Variants in CELF2 observed in about 807,000 individuals in gnomAD.
CELF2 encodes CUG triplet repeat RNA-binding protein 2.
In CELF2, 8 loss-of-function variants were observed where a neutral mutation model predicts 62.6. The observed-to-expected ratio is 0.13, with a 90% CI of 0.07 to 0.23. The LOEUF is 0.23. Ranked by LOEUF, CELF2 falls within the 10% of genes least tolerant of loss-of-function variation. The probability of loss-of-function intolerance (pLI) is 1.00; values close to 1 mark genes in which losing one functional copy is unlikely to be tolerated. For synonymous variants in CELF2, 258 were observed against 250.0 expected, an observed-to-expected ratio of 1.03 and a Z score of -0.30; for missense variants, 333 against 671.0, an observed-to-expected ratio of 0.50 and a Z score of 5.56.
the CELF2 span, among the ~76,000 whole-genome samples, chr10:10,502,683 T>A: frequency 2.9e-3 from 448 of 152,130 alleles, 1 homozygote; most frequent in Non-Finnish European, 4.7e-3. Flanking sequence ...TCTTGCTAGA[T>A]GCTTGTCAGT....
rs375248006 is a variant in CELF2, at chr10:11,018,120, C to T, written c.31C>T (p.Pro11Ser). 63 of 1,517,136 alleles carry T rather than the reference C, an allele frequency of 4.2e-5. No homozygotes were observed. In the Middle Eastern group the frequency reaches 2.4e-3, roughly 59 times the overall value. 94.0% of individuals were successfully genotyped at this position (1,517,136 alleles called of 1,614,324 possible). MTSAFKLDFLPDMMVEGRLLV... is the reference protein window; with the variant it reads MTSAFKLDFLSDMMVEGRLLV... ...TTCTGCCTTCAAGCTGGATTTCCTC[C>T]CGGACATGATGGTCGAGGGCCGCCT... Residue 11 changes from proline (P) to serine (S), a missense_variant, in exon 1 of 13, where the codon CCG becomes TCG. By Grantham distance (74) the Pro-to-Ser change is moderately conservative (BLOSUM62 -1). This residue lies in a region of CELF2 where 45 missense variants were observed against 39.8 expected (regional missense o/e 1.13). Transcript: ENST00000633077.
chr10:11,158,968 A>G (rs765650138), intron 1 of CELF2, among the ~76,000 whole-genome samples: 6 of 152,230 alleles, frequency 3.9e-5, no homozygotes, highest in Admixed American at 6.5e-5. Flanking sequence ...GTATGTACAT[A>G]TAGGAAACCT....
At chr10:10,884,061 A>G (rs1240744512) in intron 1 of CELF2, among the ~76,000 whole-genome samples, 4 of 152,018 alleles carry the variant, frequency 2.6e-5, no homozygotes, top group African/African-American at 9.7e-5. Flanking sequence ...GTTTGGGAAT[A>G]TGATTTAGGA....
At chr10:10,504,740 G>C in the CELF2 span, among the ~76,000 whole-genome samples, 1 of 151,338 alleles carries the variant, frequency 6.6e-6, no homozygotes, top group Non-Finnish European at 1.5e-5. Context: ...TTTTTTCAGT[G>C]TATTTCTCTC....
Position 10,810,070 on chromosome 10 carries a change from C to T in CELF2, c.53+11253C>T, listed in dbSNP as rs542786479. On this transcript the variant is annotated intron_variant, in intron 1 of 13. Coordinates refer to the CELF2 transcript ENST00000636488. ...TCCCTCTAAGCCAATTAGGATAGAA[C>T]TCTTTTAAAGGATTTTGTAAATTAA... Among the ~76,000 whole-genome samples the T allele has an allele frequency of 5.9e-5, 9 of 152,272 alleles. No individual in the cohort carries two copies. In the East Asian group the frequency reaches 1.3e-3, roughly 23 times the overall value.
chr10:10,851,593 G>A (rs2059386718), intron 1 of CELF2, among the ~76,000 whole-genome samples: 1 of 152,146 alleles, frequency 6.6e-6, no homozygotes, highest in Non-Finnish European at 1.5e-5. Flanking sequence ...GGACCTCATT[G>A]AAACAAAACA....
the CELF2 span, among the ~76,000 whole-genome samples, chr10:10,752,557 G>C: frequency 6.7e-6 from 1 of 150,196 alleles, no homozygotes; most frequent in Non-Finnish European, 1.5e-5. Context: ...GAGCGTGGTG[G>C]TGCATGCCTG....
the CELF2 span, among the ~76,000 whole-genome samples, chr10:10,673,291 C>G: frequency 6.6e-6 from 1 of 152,106 alleles, no homozygotes; most frequent in African/African-American, 2.4e-5. Context: ...TCTTATTGCA[C>G]TAGCTAGTAT....
At chr10:10,853,915 T>A (rs1398019750) in intron 1 of CELF2, among the ~76,000 whole-genome samples, 1 of 152,156 alleles carries the variant, frequency 6.6e-6, no homozygotes, top group Admixed American at 6.5e-5. Flanking sequence ...AGACTTCGCA[T>A]GTACGAAAGT....
intron 2 of CELF2, among the ~76,000 whole-genome samples, chr10:10,999,528 G>C (rs572283075): frequency 1.3e-5 from 2 of 152,312 alleles, no homozygotes; most frequent in South Asian, 4.2e-4. Flanking sequence ...TTGAGCCCAG[G>C]AGTTCAAGGC....
chr10:10,589,076 A>G, the CELF2 span, among the ~76,000 whole-genome samples: 3 of 152,212 alleles, frequency 2.0e-5, no homozygotes, highest in Non-Finnish European at 4.4e-5. Flanking sequence ...GGTTTTATAC[A>G]TTTTAGGGAG....
chr10:11,329,309 C>G lies in CELF2; in HGVS notation c.*256C>G. Reference sequence around the variant, plus strand: ...TGCCACTGTATTCTCCTTTGTTTTGCGATTTGAATCTCCTTTTACCTTTTT... The same window carrying G: ...TGCCACTGTATTCTCCTTTGTTTTGGGATTTGAATCTCCTTTTACCTTTTT... On this transcript the variant is annotated 3_prime_UTR_variant, in exon 13 of 13. Coordinates refer to ENST00000633077, the MANE Select transcript of CELF2 (RefSeq NM_001326342.2). This position sits in a 1 kb window ranked among gnomAD's most constrained non-coding sequence, Gnocchi z 5.5. 1 of 285,994 alleles carries G rather than the reference C, an allele frequency of 3.5e-6. No homozygotes were observed. The highest frequency in any genetic ancestry group is 6.4e-6 in the Non-Finnish European group (1 of 155,560). The allele number at this position is 285,994 out of a possible 1,614,324, so 17.7% of individuals were successfully genotyped here. A position where few individuals can be genotyped will look rare whatever the true frequency, so the allele number is the denominator to read the frequency against.
rs1405471574 is a variant in CELF2 at position 10,934,739 on chromosome 10, C to G, written c.89+14740C>G. The G allele has an allele frequency of 6.6e-6, 1 of 152,058 alleles. No homozygotes were observed. The highest frequency in any genetic ancestry group is 2.4e-5 in the African/African-American group (1 of 41,400). 9.4% of individuals were successfully genotyped at this position (152,058 alleles called of 1,614,324 possible). On this transcript the variant is annotated intron_variant, in intron 2 of 13. Transcript: ENST00000636488. The surrounding 1 kb of genome is among the most constrained non-coding windows in gnomAD (Gnocchi z 4.4). ...AGAGGGTGAGGGTTGAGGGGCAGTT[C>G]TGGATGTAGAACTTGATGTTTGAGC... is the stretch of plus-strand genomic sequence containing the variant.
At chr10:11,154,293 C>T (rs2063882327) in intron 1 of CELF2, among the ~76,000 whole-genome samples, 1 of 152,174 alleles carries the variant, frequency 6.6e-6, no homozygotes, top group African/African-American at 2.4e-5. Context: ...TTATGACTTG[C>T]TGAGAGAGAG....
rs1255947845 is a variant in CELF2 at position 11,331,292 on chromosome 10, A to AG, written c.*2239_*2240insG. On this transcript the variant is annotated 3_prime_UTR_variant, in exon 13 of 13. Transcript: ENST00000633077. ...TTGGTTTACTTAATACAAAAAAAAA[A>AG]AAAAGAATTTCAAAAAAAAAAGTTG... is the stretch of plus-strand genomic sequence containing the variant. 1 of 152,186 alleles carries AG rather than the reference A, an allele frequency of 6.6e-6. No individual in the cohort carries two copies. Among genetic ancestry groups the AG allele is most frequent in the Non-Finnish European group, 1.5e-5 (1 of 67,934 alleles). 9.4% of individuals were successfully genotyped at this position (152,186 alleles called of 1,614,324 possible).
At chr10:10,968,737 A>G (rs1222250477) in intron 2 of CELF2, among the ~76,000 whole-genome samples, 2 of 152,176 alleles carry the variant, frequency 1.3e-5, no homozygotes, top group Non-Finnish European at 2.9e-5. Context: ...AAAAGAAAAA[A>G]AAAAACATTC....
At chr10:10,969,940 A>G (rs1291752661) in intron 2 of CELF2, among the ~76,000 whole-genome samples, 2 of 152,116 alleles carry the variant, frequency 1.3e-5, no homozygotes, top group African/African-American at 4.8e-5. Context: ...GATGGGGAGG[A>G]ACTTTCTCTT....
chr10:11,095,240 C>G (rs1405372217), intron 1 of CELF2, among the ~76,000 whole-genome samples: 1 of 152,158 alleles, frequency 6.6e-6, no homozygotes, highest in African/African-American at 2.4e-5. Flanking sequence ...CTGAGAGAAG[C>G]ATGCACATGT....
rs550381029 is a variant in CELF2 at position 11,254,833 on chromosome 10, C to A, written c.404-2905C>A. 2.0e-5 allele frequency among the ~76,000 whole-genome samples: 3 copies of A among 152,140 alleles called. No homozygotes were observed. In the East Asian group the frequency reaches 5.8e-4, roughly 29 times the overall value. ...TTGCTGGGGGTAGGAGTCTCGGAGA[C>A]GAGAGGGAAGGAGGAGTCCTGCTGA... On this transcript the variant is annotated intron_variant, in intron 4 of 12. Transcript: ENST00000633077.
Sources: gnomAD v4.1 joint callset for allele counts (sites outside exome capture counted in the v4.1 genomes callset) on GRCh38, gnomAD v4.1.1 for gene constraint, gnomAD v4.1.1 regional missense constraint, Gnocchi (gnomAD v3.1) non-coding constraint, MANE v1.5 for transcripts, NCBI Gene and HGNC (gene_info 2026-07-23, HGNC 2026-07-21) for gene names.